The following ZMYND11 variants were observed in gnomAD, a reference collection of about 807,000 sequenced individuals.
ZMYND11 encodes the protein zinc finger MYND domain-containing protein 11.
ZMYND11 carries 9 observed loss-of-function variants against 84.9 expected under a neutral mutation model. That is an observed-to-expected ratio of 0.11 (90% confidence interval 0.06 to 0.18). The LOEUF is 0.18. Among genes scored for constraint, ZMYND11 ranks in the 10% least tolerant of loss-of-function variants. The probability of loss-of-function intolerance (pLI) is 1.00; values close to 1 mark genes in which losing one functional copy is unlikely to be tolerated. For synonymous variants in ZMYND11, 250 were observed against 244.1 expected (o/e 1.02, Z -0.23); for missense variants, 409 against 761.0 (o/e 0.54, Z 5.44).
chr10:137,877 G>A (rs1554752670), intron 1 of ZMYND11, among the ~76,000 whole-genome samples: 1 of 152,118 alleles, frequency 6.6e-6, no homozygotes, highest in African/African-American at 2.4e-5. Flanking sequence ...GCTTGACTCT[G>A]TTACTTAAAG....
chr10:201,120 TC>T (rs1252245076), intron 2 of ZMYND11, among the ~76,000 whole-genome samples: 1 of 152,150 alleles, frequency 6.6e-6, no homozygotes, highest in Admixed American at 6.5e-5. Context: ...TCTGATGTTT[TC>T]AGTCCTCTGA....
intron 11 of ZMYND11, 61 bp downstream of exon 11, chr10:247,034 G>A: frequency 1.4e-6 from 2 of 1,435,962 alleles, no homozygotes; most frequent in Non-Finnish European, 1.9e-6. Flanking sequence ...AGAAATCTTA[G>A]TGCACACTCC....
intron 3 of ZMYND11, among the ~76,000 whole-genome samples, chr10:211,100 G>A (rs1945135101): frequency 6.6e-6 from 1 of 152,170 alleles, no homozygotes; most frequent in Non-Finnish European, 1.5e-5. Context: ...GCTGAGGTAG[G>A]AGGATCACTT....
At chr10:239,161 A>G (rs1280959473) in intron 6 of ZMYND11, among the ~76,000 whole-genome samples, 2 of 152,244 alleles carry the variant, frequency 1.3e-5, no homozygotes, top group Non-Finnish European at 2.9e-5. Context: ...CATTATTGTC[A>G]AATGAGATGT....
chr10:143,618 CTT>C, intron 1 of ZMYND11, among the ~76,000 whole-genome samples: 1 of 152,064 alleles, frequency 6.6e-6, no homozygotes, highest in Non-Finnish European at 1.5e-5. Context: ...GAGATGTTGT[CTT>C]TTTAAATTAT....
chr10:236,940 C>T, intron 5 of ZMYND11, 25 bp downstream of exon 5: 1 of 1,584,894 alleles, frequency 6.3e-7, no homozygotes, highest in East Asian at 2.2e-5. Flanking sequence ...GGGAATCTTT[C>T]AAAATATCCC....
chr10:134,477 A>C (rs1378740793), upstream of ZMYND11: 2 of 152,220 alleles, frequency 1.3e-5, no homozygotes, highest in African/African-American at 2.4e-5. Context: ...TTCTCGCGCA[A>C]ATCTGCAGTG....
chr10:157,905 C>G (rs782687640), intron 1 of ZMYND11, among the ~76,000 whole-genome samples: 1 of 152,174 alleles, frequency 6.6e-6, no homozygotes, highest in Non-Finnish European at 1.5e-5. Context: ...CGGGCACCTT[C>G]CAGTTTTTCT....
At chr10:215,725 T>C (rs1946107228) in intron 3 of ZMYND11, among the ~76,000 whole-genome samples, 1 of 151,978 alleles carries the variant, frequency 6.6e-6, no homozygotes, top group South Asian at 2.1e-4. Context: ...ACCCAGCTAA[T>C]TTTCTCATTT....
intron 4 of ZMYND11, among the ~76,000 whole-genome samples, chr10:236,230 A>G (rs1949936911): frequency 6.6e-6 from 1 of 152,226 alleles, no homozygotes; most frequent in Non-Finnish European, 1.5e-5. Context: ...TAGAAATAAC[A>G]TGCGTAGAAT....
At chr10:232,762 C>G (rs1949218427) in intron 4 of ZMYND11, among the ~76,000 whole-genome samples, 1 of 152,194 alleles carries the variant, frequency 6.6e-6, no homozygotes, top group African/African-American at 2.4e-5. Flanking sequence ...TTCTATACAG[C>G]CCAAATCATT....
intron 1 of ZMYND11, among the ~76,000 whole-genome samples, chr10:145,397 C>G (rs1838574715): frequency 6.6e-6 from 1 of 152,012 alleles, no homozygotes; most frequent in Non-Finnish European, 1.5e-5. Flanking sequence ...ACTTCTTTTC[C>G]TGTGGGTAGA....
chr10:252,262 GCACCACCT>G lies in ZMYND11; in HGVS notation c.1687-83_1687-76del. ...GTTGAGCCAGAAAGATCTTTTAAAA[GCACCACCT>G]CAAGAGTTTGCCATTTTAACCAGTC... On this transcript the variant is annotated intron_variant, in intron 14 of 14. Coordinates refer to ENST00000381604, the MANE Select transcript of ZMYND11 (RefSeq NM_001370100.5). The surrounding 1 kb of genome is among the most constrained non-coding windows in gnomAD (Gnocchi z 4.6). 2 of 1,481,148 alleles carry G rather than the reference GCACCACCT, an allele frequency of 1.4e-6. No individual in the cohort carries two copies. The highest frequency in any genetic ancestry group is 1.8e-6 in the Non-Finnish European group (2 of 1,087,342). 91.8% of individuals were successfully genotyped at this position (1,481,148 alleles called of 1,614,324 possible).
intron 2 of ZMYND11, among the ~76,000 whole-genome samples, chr10:205,326 G>A (rs889710190): frequency 6.6e-6 from 1 of 151,766 alleles, no homozygotes; most frequent in African/African-American, 2.4e-5. Flanking sequence ...GCATTTTTTT[G>A]TATGTTTGTG....
At chr10:248,764 T>C (rs563309881) in intron 13 of ZMYND11, 139 bp from the exon 14 acceptor site, 1 of 1,391,734 alleles carries the variant, frequency 7.2e-7, no homozygotes, top group South Asian at 1.5e-5. Flanking sequence ...TAATGATACT[T>C]TCCTCACCTA....
At chr10:212,911 CTAAAA>C (rs1339760918) in intron 3 of ZMYND11, among the ~76,000 whole-genome samples, 1 of 152,082 alleles carries the variant, frequency 6.6e-6, no homozygotes, top group Non-Finnish European at 1.5e-5. Context: ...AAGTGTAACT[CTAAAA>C]TAATGAGACA....
intron 6 of ZMYND11, 91 bp downstream of exon 6, chr10:237,768 C>G: frequency 1.1e-6 from 1 of 894,406 alleles, no homozygotes; most frequent in Non-Finnish European, 1.7e-6. Flanking sequence ...ATTTTGGTTG[C>G]TCTTCTTTCC....
chr10:249,598 G>A lies in ZMYND11; in HGVS notation c.1686+510G>A, dbSNP rs184633294. On this transcript the variant is annotated intron_variant, in intron 14 of 14. Transcript: ENST00000381604. ...AACTACCCTCCCTCATACCTGACTA[G>A]TATCATTTGTCATCGTGTCCTGCTC... 8.2e-5 allele frequency: 81 copies of A among 985,216 alleles called. No homozygotes were observed. In the African/African-American group the frequency reaches 1.0e-3, roughly 13 times the overall value. 61.0% of individuals were successfully genotyped at this position (985,216 alleles called of 1,614,324 possible).
At chr10:171,172 C>T (rs781799029) in intron 1 of ZMYND11, among the ~76,000 whole-genome samples, 6 of 152,040 alleles carry the variant, frequency 3.9e-5, no homozygotes, top group Non-Finnish European at 7.4e-5. Context: ...GAATATATGA[C>T]ACAAAAACTG....
Sources: allele counts gnomAD v4.1 joint callset (sites outside exome capture counted in the v4.1 genomes callset), GRCh38; gene constraint gnomAD v4.1.1; non-coding constraint Gnocchi (gnomAD v3.1); transcripts MANE v1.5; gene names NCBI Gene and HGNC (gene_info 2026-07-23, HGNC 2026-07-21).